The following LAMA1 variants were observed in gnomAD, a reference collection of about 807,000 sequenced individuals.
LAMA1 encodes laminin subunit alpha 1.
LAMA1 carries 219 observed loss-of-function variants against 348.7 expected under a neutral mutation model. The observed-to-expected ratio is 0.63, with a 90% CI of 0.56 to 0.70. The LOEUF (loss-of-function observed/expected upper bound fraction) is 0.70, where lower values mean the gene tolerates loss of function less well. LAMA1 is among the 30% of genes least tolerant of loss of function. LAMA1 has a pLI of 0.00. For synonymous variants in LAMA1, 1,487 were observed against 1,491.0 expected (o/e 1.00, Z 0.06); for missense variants, 3,744 against 3,888.0 (o/e 0.96, Z 0.99).
At chr18:7,043,616 C>T (rs2058029649) in intron 7 of LAMA1, among the ~76,000 whole-genome samples, 1 of 152,260 alleles carries the variant, frequency 6.6e-6, no homozygotes, top group East Asian at 1.9e-4. Context: ...TTTGACCCAG[C>T]AAACCATCTC....
At chr18:6,977,656 T>A in intron 44 of LAMA1, 71 bp downstream of exon 44, 2 of 1,583,140 alleles carry the variant, frequency 1.3e-6, no homozygotes, top group Admixed American at 1.7e-5. Context: ...GAGGGCCATG[T>A]CTGCATGAAT....
intron 1 of LAMA1, among the ~76,000 whole-genome samples, chr18:7,091,061 C>T (rs2058237976): frequency 6.6e-6 from 1 of 152,222 alleles, no homozygotes; most frequent in African/African-American, 2.4e-5. Context: ...ACTCCTCTCA[C>T]AATGGTTCAT....
chr18:7,060,439 C>T (rs1418633735), intron 3 of LAMA1, among the ~76,000 whole-genome samples: 4 of 152,240 alleles, frequency 2.6e-5, no homozygotes, highest in African/African-American at 9.6e-5. Flanking sequence ...CTCTTTTTTG[C>T]TCCTTTTCTT....
chr18:7,089,714 TTCTTG>T (rs1400469142), intron 1 of LAMA1, among the ~76,000 whole-genome samples: 1 of 152,206 alleles, frequency 6.6e-6, no homozygotes, highest in Non-Finnish European at 1.5e-5. Flanking sequence ...ATTATCTGAT[TTCTTG>T]CACTTGATGC....
chr18:7,073,698 C>T (rs778202402), intron 3 of LAMA1, among the ~76,000 whole-genome samples: 5 of 152,160 alleles, frequency 3.3e-5, no homozygotes, highest in African/African-American at 4.8e-5. Context: ...CTCCTGGCTA[C>T]TGTGAATAAT....
At chr18:6,956,605 CCTGA>C in intron 56 of LAMA1, 27 bp downstream of exon 56, 1 of 1,613,696 alleles carries the variant, frequency 6.2e-7, no homozygotes, top group Non-Finnish European at 8.5e-7. Flanking sequence ...GCTGACTGGA[CCTGA>C]CTGATAGTAA....
chr18:7,036,821 T>A (rs1288871153), intron 12 of LAMA1, among the ~76,000 whole-genome samples: 3 of 152,140 alleles, frequency 2.0e-5, no homozygotes, highest in African/African-American at 7.2e-5. Context: ...GCTACAAGAC[T>A]ACACTAGCAT....
At position 7,117,745 on chromosome 18, in the gene LAMA1, G is replaced by C; in HGVS notation, c.-25C>G. 6.3e-7 allele frequency: 1 copy of C among 1,591,358 alleles called. No individual in the cohort carries two copies. The highest frequency in any genetic ancestry group is 8.5e-7 in the Non-Finnish European group (1 of 1,174,934). The stretch of plus-strand genomic sequence containing the variant: ...TCTCGCCTCCGCCGCCACTCGGTGG[G>C]TCTGGGGAGAAAGCCGCGCGCCCGC... On this transcript the variant is annotated 5_prime_UTR_variant, in exon 1 of 63. Transcript: ENST00000389658.
chr18:7,037,769 G>T lies in LAMA1; in HGVS notation c.1564-18C>A. On this transcript the variant is annotated intron_variant, in intron 11 of 62. Coordinates refer to ENST00000389658, the MANE Select transcript of LAMA1 (RefSeq NM_005559.4). ...CTGTTTACCTTAAAAACAAATTCAA[G>T]AATTTTGAAGTATGAAATAGAACTT... 2 of 1,613,144 alleles carry T rather than the reference G, an allele frequency of 1.2e-6. No individual in the cohort carries two copies. The highest frequency in any genetic ancestry group is 1.7e-6 in the Non-Finnish European group (2 of 1,179,294).
intron 1 of LAMA1, among the ~76,000 whole-genome samples, chr18:7,102,446 G>A (rs368770643): frequency 5.3e-5 from 8 of 151,826 alleles, no homozygotes; most frequent in African/African-American, 1.7e-4. Flanking sequence ...TCTACTATAC[G>A]TAAAAATATC....
chr18:7,083,866 T>C (rs947131524), intron 1 of LAMA1, among the ~76,000 whole-genome samples: 1 of 151,274 alleles, frequency 6.6e-6, no homozygotes, highest in Admixed American at 6.6e-5. Context: ...AGGTCAGGAG[T>C]TCGAGACCAG....
At chr18:6,966,431 G>T in intron 48 of LAMA1, 134 bp from the exon 49 acceptor site, 1 of 777,892 alleles carries the variant, frequency 1.3e-6, no homozygotes, top group Non-Finnish European at 2.2e-6. Context: ...AAGTGTAGAT[G>T]ATAATATTTA....
At chr18:7,035,950 C>G in intron 13 of LAMA1, 37 bp downstream of exon 13, 1 of 1,535,576 alleles carries the variant, frequency 6.5e-7, no homozygotes, top group South Asian at 1.1e-5. Context: ...CCACTAAGCC[C>G]TAAGCTCTAT....
At chr18:7,046,141 A>C (rs1290259650) in intron 6 of LAMA1, 137 bp downstream of exon 6, 2 of 615,466 alleles carry the variant, frequency 3.2e-6, no homozygotes, top group Non-Finnish European at 5.9e-6. Context: ...ACACAAGTTA[A>C]ATTTCTGAAA....
chr18:7,064,913 ATCAG>A (rs1369295363), intron 3 of LAMA1, among the ~76,000 whole-genome samples: 1 of 152,168 alleles, frequency 6.6e-6, no homozygotes, highest in African/African-American at 2.4e-5. Flanking sequence ...ACTGCACTGG[ATCAG>A]TCACTTGCTC....
At chr18:6,967,579 C>T (rs559799770) in intron 48 of LAMA1, among the ~76,000 whole-genome samples, 2 of 152,336 alleles carry the variant, frequency 1.3e-5, no homozygotes, top group South Asian at 4.1e-4. Context: ...GTTCTTAGAA[C>T]AGTGCCTGGC....
At chr18:6,983,043 C>T (rs2057718960) in intron 40 of LAMA1, 56 bp downstream of exon 40, 7 of 1,613,086 alleles carry the variant, frequency 4.3e-6, no homozygotes, top group Non-Finnish European at 5.1e-6. Context: ...CTGCTCAAAC[C>T]CGGTACAGAA....
chr18:6,958,569 G>A lies in LAMA1; in HGVS notation c.7872C>T (p.Tyr2624=), dbSNP rs370566659. Residue 2624 remains tyrosine, a synonymous_variant, in exon 55 of 63, where the codon TAC becomes TAT. Coordinates refer to ENST00000389658, the MANE Select transcript of LAMA1 (RefSeq NM_005559.4). ...CCTCTCCCTCTGGAATTCCCCCGACGTACAGATTGGACACATTTATCGTCC... is the reference window on the plus strand; with the variant it reads ...CCTCTCCCTCTGGAATTCCCCCGACATACAGATTGGACACATTTATCGTCC... ...ESRTINVSNL[Y]VGGIPEGEGT... The A allele has an allele frequency of 1.7e-5, 28 of 1,613,902 alleles. No homozygotes were observed. The highest frequency in any genetic ancestry group is 3.3e-5 in the Admixed American group (2 of 59,998).
chr18:7,045,596 T>A (rs965938420), intron 6 of LAMA1, among the ~76,000 whole-genome samples: 2 of 152,200 alleles, frequency 1.3e-5, no homozygotes, highest in Non-Finnish European at 2.9e-5. Flanking sequence ...TCTCGCTCTG[T>A]CACCCAGGCT....
Sources: allele counts gnomAD v4.1 joint callset (sites outside exome capture counted in the v4.1 genomes callset), GRCh38; gene constraint gnomAD v4.1.1; transcripts MANE v1.5; gene names NCBI Gene and HGNC (gene_info 2026-07-23, HGNC 2026-07-21).